The following TENM1 variants were observed in gnomAD, a reference collection of about 807,000 sequenced individuals.
TENM1 encodes the protein teneurin transmembrane protein 1.
In TENM1, 35 loss-of-function variants were observed where a neutral mutation model predicts 174.8. The ratio of observed to expected loss-of-function variants is 0.20; its 90% CI spans 0.15 to 0.27. The LOEUF is 0.27. TENM1 is among the 10% of genes least tolerant of loss of function. TENM1 has a pLI of 1.00. For missense variants in TENM1, 1,633 were observed against 2,130.1 expected, an observed-to-expected ratio of 0.77 and a Z score of 4.59; for synonymous variants, 781 against 798.7, an observed-to-expected ratio of 0.98 and a Z score of 0.37.
intron 22 of TENM1, among the ~76,000 whole-genome samples, chrX:124,462,834 T>C (rs2061193959): frequency 8.9e-6 from 1 of 111,905 alleles, no homozygotes; most frequent in Admixed American, 9.5e-5. Context: ...AAATAAAGCA[T>C]GCCAGGAGGC....
chrX:124,668,334 C>T (rs1358046190), intron 6 of TENM1, among the ~76,000 whole-genome samples: 1 of 111,303 alleles, frequency 9.0e-6, no homozygotes, highest in African/African-American at 3.3e-5. Flanking sequence ...TTTGACCCAG[C>T]CATCCCATTA....
At chrX:124,845,328 C>T (rs1389955678) in intron 3 of TENM1, among the ~76,000 whole-genome samples, 1 of 111,071 alleles carries the variant, frequency 9.0e-6, no homozygotes, top group Non-Finnish European at 1.9e-5. Context: ...TGTTAAAATC[C>T]CGACTTTGAT....
At chrX:124,897,297 C>T (rs1603266537) in intron 1 of TENM1, among the ~76,000 whole-genome samples, 1 of 111,690 alleles carries the variant, frequency 9.0e-6, no homozygotes, top group African/African-American at 3.2e-5. Context: ...CCATGTAATA[C>T]TTAGATAAGG....
At chrX:125,092,055 C>T in the TENM1 span, among the ~76,000 whole-genome samples, 1 of 107,581 alleles carries the variant, frequency 9.3e-6, no homozygotes, top group Non-Finnish European at 1.9e-5. Context: ...CCACTATCTG[C>T]CAATGCGATG....
chrX:124,439,095 A>G lies in TENM1; in HGVS notation c.4104+14242T>C, dbSNP rs371590845. On this transcript the variant is annotated intron_variant, in intron 23 of 31. Transcript: ENST00000422452. ...TTCATAGACCAAACTTGCTTCAAAA[A>G]TCCTAGGATGCTGCTTTCTTCTTAT... is the stretch of plus-strand genomic sequence containing the variant. Among the ~76,000 whole-genome samples, 39 of 111,944 alleles carry G rather than the reference A, an allele frequency of 3.5e-4. No individual in the cohort carries two copies. In the East Asian group the frequency reaches 4.5e-3, roughly 13 times the overall value.
chrX:124,967,794 G>A (rs1330278382), upstream of TENM1, among the ~76,000 whole-genome samples: 1 of 111,364 alleles, frequency 9.0e-6, no homozygotes, highest in African/African-American at 3.3e-5. Context: ...TCCCTCATCA[G>A]TTCTGCCTGA....
rs751493445 is a variant in TENM1, at chrX:124,592,434, GTTTT to G, written c.2078-26878_2078-26875del. 3.4e-3 allele frequency among the ~76,000 whole-genome samples: 293 copies of G among 85,444 alleles called. 1 individual carries two copies. The highest frequency in any genetic ancestry group is 0.013 in the African/African-American group (272 of 21,494). 74.2% of individuals were successfully genotyped at this position (85,444 alleles called of 115,157 possible). On this transcript the variant is annotated intron_variant, in intron 11 of 31. Transcript: ENST00000422452. ...TCATTCTTTACCTATAATATTATTGGTTTTTTTTTTTTTTTTTTTGAGACAGAGT... is the reference window on the plus strand; with the variant it reads ...TCATTCTTTACCTATAATATTATTGGTTTTTTTTTTTTTTTGAGACAGAGT...
intron 4 of TENM1, among the ~76,000 whole-genome samples, chrX:124,713,947 A>C (rs775503137): frequency 3.6e-5 from 4 of 112,468 alleles, no homozygotes; most frequent in Middle Eastern, 4.7e-3. Flanking sequence ...TTCACATTTC[A>C]TGTCTTCTTG....
chrX:124,477,569 T>C (rs1437887045), intron 22 of TENM1, among the ~76,000 whole-genome samples: 1 of 110,471 alleles, frequency 9.1e-6, no homozygotes, highest in Non-Finnish European at 1.9e-5. Flanking sequence ...CTGACCAACA[T>C]GGTGAAACCC....
At chrX:124,583,247 A>AC (rs1304834924) in intron 11 of TENM1, among the ~76,000 whole-genome samples, 4 of 111,090 alleles carry the variant, frequency 3.6e-5, no homozygotes, top group Non-Finnish European at 3.8e-5. Flanking sequence ...TGGGTCCCTG[A>AC]CCCCTGACCC....
At position 124,544,864 on chromosome X, in the gene TENM1, C is replaced by T. The variant is rs538732728; in HGVS notation, c.2651+2010G>A. Among the ~76,000 whole-genome samples the T allele has an allele frequency of 5.4e-5, 6 of 111,559 alleles. No individual in the cohort carries two copies. The South Asian group carries it at 1.5e-3, about 28-fold the overall frequency. On this transcript the variant is annotated intron_variant, in intron 15 of 31. Coordinates refer to ENST00000422452, the Ensembl canonical transcript of TENM1. ...TCAGTTTCCTTATATATAAAATGCA[C>T]CTAATACAAGTATCTACTTTACAGG...
At chrX:125,119,290 A>G in the TENM1 span, among the ~76,000 whole-genome samples, 1 of 112,017 alleles carries the variant, frequency 8.9e-6, no homozygotes, top group Non-Finnish European at 1.9e-5. Context: ...TAATCAAAAA[A>G]TCCATCACCT....
intron 1 of TENM1, among the ~76,000 whole-genome samples, chrX:124,899,201 A>T (rs2057615182): frequency 9.0e-6 from 1 of 111,219 alleles, no homozygotes; most frequent in Non-Finnish European, 1.9e-5. Flanking sequence ...TGTACATATA[A>T]CCTTGTTACC....
chrX:124,860,892 C>T (rs1267299987), intron 3 of TENM1, among the ~76,000 whole-genome samples: 2 of 111,447 alleles, frequency 1.8e-5, no homozygotes, highest in African/African-American at 6.5e-5. Flanking sequence ...CCCAATTTAG[C>T]AGACTCGTGA....
intron 3 of TENM1, among the ~76,000 whole-genome samples, chrX:124,889,441 T>G (rs142209234): frequency 9.0e-6 from 1 of 111,340 alleles, no homozygotes; most frequent in South Asian, 3.8e-4. Flanking sequence ...GTCCTGTAGA[T>G]GGAAACTTAG....
chrX:124,928,378 T>C (rs781676881), intron 1 of TENM1, among the ~76,000 whole-genome samples: 1 of 112,210 alleles, frequency 8.9e-6, no homozygotes, highest in Non-Finnish European at 1.9e-5. Flanking sequence ...TCCAACATAC[T>C]ACATCAAACT....
intron 3 of TENM1, among the ~76,000 whole-genome samples, chrX:124,742,843 G>A (rs2053832134): frequency 9.0e-6 from 1 of 111,022 alleles, no homozygotes; most frequent in Non-Finnish European, 1.9e-5. Context: ...GGCACCAAGA[G>A]TTATTGCCAT....
At chrX:124,432,005 T>C (rs778017870) in intron 23 of TENM1, among the ~76,000 whole-genome samples, 1 of 112,390 alleles carries the variant, frequency 8.9e-6, no homozygotes, top group Non-Finnish European at 1.9e-5. Context: ...ATTATTCTAC[T>C]GCAGAGGATA....
intron 24 of TENM1, 140 bp from the exon 28 acceptor site, chrX:124,420,961 A>C: frequency 3.7e-6 from 2 of 545,589 alleles, no homozygotes; most frequent in Middle Eastern, 5.6e-4. Flanking sequence ...TCCCTCCCTG[A>C]AAAATATGAA....
Sources: allele counts gnomAD v4.1 joint callset (sites outside exome capture counted in the v4.1 genomes callset), GRCh38; gene constraint gnomAD v4.1.1; transcripts MANE v1.5; gene names NCBI Gene and HGNC (gene_info 2026-07-23, HGNC 2026-07-21).